The following ANOS1 variants were observed in gnomAD, a reference collection of about 807,000 sequenced individuals.
The protein encoded by ANOS1 is anosmin 1, also known as anosmin-1.
ANOS1 carries 6 observed loss-of-function variants against 59.0 expected under a neutral mutation model. The ratio of observed to expected loss-of-function variants is 0.10; its 90% confidence interval spans 0.06 to 0.20. The LOEUF is 0.20. ANOS1 is among the 10% of genes least tolerant of loss of function. The pLI is 1.00. For synonymous variants in ANOS1, 217 were observed against 223.4 expected (o/e 0.97, Z 0.25); for missense variants, 433 against 542.3 (o/e 0.80, Z 2.00).
chrX:8,599,097 C>A (rs749431349), intron 3 of ANOS1, among the ~76,000 whole-genome samples: 1 of 111,767 alleles, frequency 8.9e-6, no homozygotes, highest in Non-Finnish European at 1.9e-5. Flanking sequence ...CCGGGAACAG[C>A]TGCCTTGAAC....
chrX:8,717,785 A>G (rs974140663), intron 1 of ANOS1, among the ~76,000 whole-genome samples: 1 of 112,249 alleles, frequency 8.9e-6, no homozygotes, highest in Non-Finnish European at 1.9e-5. Context: ...CCCAGATGGG[A>G]GGATCTCTTG....
At chrX:8,657,467 C>CTTTTATTTTTTT (rs1358564493) in intron 2 of ANOS1, among the ~76,000 whole-genome samples, 2 of 83,958 alleles carry the variant, frequency 2.4e-5, no homozygotes, top group African/African-American at 9.1e-5. Context: ...ACTGTGCTTG[C>CTTTTATTTTTTT]TTTTTTTTTT....
rs866795597 is a variant in ANOS1 at position 8,643,862 on chromosome X, A to G, written c.256-20192T>C. Reference sequence around the variant, plus strand: ...TAGACAAAAACTCAGCCAACTGTCCATCAGAAAATGTTTAAATTTACCTAT... The same window carrying G: ...TAGACAAAAACTCAGCCAACTGTCCGTCAGAAAATGTTTAAATTTACCTAT... On this transcript the variant is annotated intron_variant, in intron 2 of 13. Coordinates refer to ENST00000262648, the MANE Select transcript of ANOS1 (RefSeq NM_000216.4). 5.4e-5 allele frequency among the ~76,000 whole-genome samples: 6 copies of G among 111,912 alleles called. No homozygotes were observed. The South Asian group carries it at 1.9e-3, about 35-fold the overall frequency.
At chrX:8,632,412 C>T (rs188568888) in intron 2 of ANOS1, among the ~76,000 whole-genome samples, 22 of 111,943 alleles carry the variant, frequency 2.0e-4, no homozygotes, top group African/African-American at 6.8e-4. Flanking sequence ...TCTAGGGGAC[C>T]AATAAGGAGA....
At chrX:8,613,946 A>G (rs1268608277) in intron 3 of ANOS1, among the ~76,000 whole-genome samples, 1 of 112,314 alleles carries the variant, frequency 8.9e-6, no homozygotes, top group Non-Finnish European at 1.9e-5. Context: ...TGGCCACACC[A>G]TATACCTACT....
intron 1 of ANOS1, among the ~76,000 whole-genome samples, chrX:8,710,352 G>C (rs1932805347): frequency 8.9e-6 from 1 of 112,046 alleles, no homozygotes; most frequent in South Asian, 3.7e-4. Flanking sequence ...TCTGTGCAAA[G>C]TATTTTCATC....
intron 6 of ANOS1, among the ~76,000 whole-genome samples, chrX:8,571,111 CAAA>C (rs201277459): frequency 7.2e-5 from 4 of 55,829 alleles, no homozygotes; most frequent in Admixed American, 4.1e-4. Context: ...GACACTGTCT[CAAA>C]AAAAAAAAAA....
intron 2 of ANOS1, among the ~76,000 whole-genome samples, chrX:8,691,126 T>C (rs1291444665): frequency 1.9e-5 from 2 of 105,283 alleles, no homozygotes; most frequent in Non-Finnish European, 3.9e-5. Flanking sequence ...CAGGCTGGAG[T>C]GCAGTGGAGC....
intron 2 of ANOS1, among the ~76,000 whole-genome samples, chrX:8,696,993 C>T (rs948026232): frequency 8.9e-6 from 1 of 112,183 alleles, no homozygotes; most frequent in African/African-American, 3.2e-5. Context: ...CCAGCATACC[C>T]GAAGTCAGAT....
At chrX:8,631,304 C>T (rs929401201) in intron 2 of ANOS1, among the ~76,000 whole-genome samples, 6 of 112,125 alleles carry the variant, frequency 5.4e-5, no homozygotes, top group African/African-American at 1.9e-4. Context: ...TGAGTTCTAA[C>T]TATAACCACA....
chrX:8,581,742 G>A (rs1422311932), intron 6 of ANOS1, among the ~76,000 whole-genome samples: 2 of 111,457 alleles, frequency 1.8e-5, no homozygotes, highest in Non-Finnish European at 1.9e-5. Flanking sequence ...GCCTCACTGC[G>A]AAAAAATGTC....
chrX:8,607,323 T>C (rs1159148726), intron 3 of ANOS1, among the ~76,000 whole-genome samples: 4 of 112,051 alleles, frequency 3.6e-5, no homozygotes, highest in African/African-American at 9.7e-5. Flanking sequence ...TTGCAATTAA[T>C]TGGATTCCCA....
At chrX:8,564,041 T>C (rs962241398) in intron 8 of ANOS1, among the ~76,000 whole-genome samples, 4 of 111,197 alleles carry the variant, frequency 3.6e-5, no homozygotes, top group African/African-American at 1.3e-4. Context: ...GAATGGACCA[T>C]GAGTAGGTAG....
intron 2 of ANOS1, among the ~76,000 whole-genome samples, chrX:8,677,021 A>G (rs1249687095): frequency 3.6e-5 from 4 of 112,062 alleles, no homozygotes; most frequent in African/African-American, 9.7e-5. Context: ...ACTGCCTGAT[A>G]GAACCAAATG....
chrX:8,619,759 T>C (rs894299297), intron 3 of ANOS1, among the ~76,000 whole-genome samples: 19 of 112,310 alleles, frequency 1.7e-4, no homozygotes, highest in African/African-American at 6.2e-4. Context: ...TCTAGGTATG[T>C]TGTTATTAAC....
At chrX:8,605,271 C>CA (rs1165978799) in intron 3 of ANOS1, among the ~76,000 whole-genome samples, 3 of 109,805 alleles carry the variant, frequency 2.7e-5, no homozygotes, top group Non-Finnish European at 5.7e-5. Context: ...ACTTCACTCC[C>CA]AAAAAACACA....
intron 2 of ANOS1, among the ~76,000 whole-genome samples, chrX:8,639,755 G>A (rs1931628663): frequency 1.8e-5 from 2 of 112,162 alleles, no homozygotes; most frequent in African/African-American, 6.5e-5. Context: ...TGGAAATAGA[G>A]GATACTAAAT....
rs1396740112 is a variant in ANOS1 at position 8,531,872 on chromosome X, T to C, written c.*1123A>G. The stretch of plus-strand genomic sequence containing the variant: ...ACAATATACACTGCAACACTCTATA[T>C]TGATAACACGTTTTGACTTAAGTTC... On this transcript the variant is annotated 3_prime_UTR_variant, in exon 14 of 14. Transcript: ENST00000262648. 4.5e-5 allele frequency: 5 copies of C among 111,886 alleles called. No homozygotes were observed. The highest frequency in any genetic ancestry group is 9.5e-5 in the Admixed American group (1 of 10,486). The allele number at this position is 111,886 out of a possible 1,213,427, so 9.2% of individuals were successfully genotyped here.
intron 3 of ANOS1, among the ~76,000 whole-genome samples, chrX:8,618,575 C>A (rs775856709): frequency 8.9e-6 from 1 of 112,038 alleles, no homozygotes; most frequent in Admixed American, 9.5e-5. Context: ...AAGATGGGAG[C>A]TGTTTCATTC....
Sources: gnomAD v4.1 joint callset for allele counts (sites outside exome capture counted in the v4.1 genomes callset) on GRCh38, gnomAD v4.1.1 for gene constraint, MANE v1.5 for transcripts, NCBI Gene and HGNC (gene_info 2026-07-23, HGNC 2026-07-21) for gene names.